Variants in ULK4 observed in about 807,000 individuals in gnomAD.
ULK4 encodes inactive serine/threonine-protein kinase ULK4.
ULK4 carries 133 observed loss-of-function variants against 160.6 expected under a neutral mutation model. The observed-to-expected ratio is 0.83, with a 90% CI of 0.72 to 0.96. ULK4 has a LOEUF of 0.96. Among genes scored for constraint, ULK4 ranks in the 40% least tolerant of loss-of-function variants. ULK4 has a pLI of 0.00. For missense variants in ULK4, 1,580 were observed against 1,499.5 expected (o/e 1.05, Z -0.89); for synonymous variants, 534 against 539.8 (o/e 0.99, Z 0.15).
chr3:41,316,098 AG>A (rs767783105), intron 35 of ULK4, among the ~76,000 whole-genome samples: 2 of 152,278 alleles, frequency 1.3e-5, no homozygotes, highest in Non-Finnish European at 2.9e-5. Context: ...AAATGTTTAT[AG>A]AAGCATTATT....
At chr3:41,585,331 C>G (rs1379926946) in intron 31 of ULK4, among the ~76,000 whole-genome samples, 1 of 152,022 alleles carries the variant, frequency 6.6e-6, no homozygotes, top group Non-Finnish European at 1.5e-5. Flanking sequence ...ACATATAAAC[C>G]AATGGAACGA....
chr3:41,444,077 C>G (rs777555243), intron 34 of ULK4, among the ~76,000 whole-genome samples: 1 of 152,016 alleles, frequency 6.6e-6, no homozygotes, highest in Non-Finnish European at 1.5e-5. Flanking sequence ...AGTGGAATGA[C>G]GACATTAAAA....
chr3:41,661,191 G>A (rs536587150), intron 30 of ULK4, among the ~76,000 whole-genome samples: 1 of 152,154 alleles, frequency 6.6e-6, no homozygotes, highest in African/African-American at 2.4e-5. Flanking sequence ...CAGTAGTTAG[G>A]TGAATGCAAA....
rs184263727 is a variant in ULK4, at chr3:41,641,110, T to C, written c.3071+22497A>G. On this transcript the variant is annotated intron_variant, in intron 30 of 36. Transcript: ENST00000301831. ...CCTGAGATTCAGACTGCAGCCACTATAAGTCTTTTCCAGTTGATGTGTTGC... is the reference window on the plus strand; with the variant it reads ...CCTGAGATTCAGACTGCAGCCACTACAAGTCTTTTCCAGTTGATGTGTTGC... Among the ~76,000 whole-genome samples the C allele has an allele frequency of 3.3e-5, 5 of 152,326 alleles. No homozygotes were observed. The East Asian group carries it at 9.7e-4, about 29-fold the overall frequency.
intron 35 of ULK4, among the ~76,000 whole-genome samples, chr3:41,298,013 T>C (rs1189129355): frequency 6.6e-6 from 1 of 152,212 alleles, no homozygotes; most frequent in Non-Finnish European, 1.5e-5. Flanking sequence ...CTCATCGGTT[T>C]ACAGTAGATA....
chr3:41,888,566 G>C (rs1697809619), intron 16 of ULK4, among the ~76,000 whole-genome samples: 1 of 152,190 alleles, frequency 6.6e-6, no homozygotes, highest in South Asian at 2.1e-4. Context: ...AGGAACAATT[G>C]TGTCCTTGTA....
At chr3:41,531,058 G>A (rs752649839) in intron 32 of ULK4, among the ~76,000 whole-genome samples, 6 of 150,094 alleles carry the variant, frequency 4.0e-5, no homozygotes, top group Non-Finnish European at 8.9e-5. Context: ...CACCGCGCCC[G>A]GCCCAAAATG....
In ULK4 at chr3:41,560,250, G is replaced by A. The variant is rs148787759; in HGVS notation, c.3226+5775C>T. Among the ~76,000 whole-genome samples the A allele has an allele frequency of 1.4e-4, 22 of 152,290 alleles. No individual in the cohort carries two copies. The East Asian group carries it at 3.3e-3, about 23-fold the overall frequency. On this transcript the variant is annotated intron_variant, in intron 32 of 36. Coordinates refer to ENST00000301831, the MANE Select transcript of ULK4 (RefSeq NM_017886.4). ...TCTGATTTGGTACCAATATCATGCTGTGTTGGTTACTGTAGCCTTGTAGTC... is the reference window on the plus strand; with the variant it reads ...TCTGATTTGGTACCAATATCATGCTATGTTGGTTACTGTAGCCTTGTAGTC...
At chr3:41,528,885 T>G (rs992354355) in intron 32 of ULK4, among the ~76,000 whole-genome samples, 5 of 152,126 alleles carry the variant, frequency 3.3e-5, no homozygotes, top group Admixed American at 6.5e-5. Context: ...GTACTGGGCT[T>G]AATACCTGGG....
chr3:41,708,834 G>A (rs921378894), intron 25 of ULK4, among the ~76,000 whole-genome samples: 1 of 152,048 alleles, frequency 6.6e-6, no homozygotes, highest in Non-Finnish European at 1.5e-5. Flanking sequence ...AAAACAATCT[G>A]TTGTACACAA....
intron 32 of ULK4, among the ~76,000 whole-genome samples, chr3:41,502,953 G>C (rs1334520605): frequency 6.6e-6 from 1 of 152,020 alleles, no homozygotes; most frequent in Non-Finnish European, 1.5e-5. Flanking sequence ...ATGTACAAAT[G>C]TCCATTAATT....
intron 35 of ULK4, among the ~76,000 whole-genome samples, chr3:41,347,666 A>C (rs1397806585): frequency 2.0e-5 from 3 of 152,080 alleles, no homozygotes; most frequent in Non-Finnish European, 2.9e-5. Context: ...ACACGTTTGC[A>C]AACTCATCTC....
intron 20 of ULK4, among the ~76,000 whole-genome samples, chr3:41,795,103 C>A (rs1422455294): frequency 2.0e-5 from 3 of 152,146 alleles, no homozygotes; most frequent in Non-Finnish European, 2.9e-5. Context: ...GCGAAAAAGA[C>A]CTTAAAAAGG....
chr3:41,532,836 G>A (rs79719357), intron 32 of ULK4, among the ~76,000 whole-genome samples: 4,428 of 152,234 alleles, frequency 0.029, 154 homozygotes, highest in African/African-American at 0.08. Context: ...GTAGAGTTCC[G>A]ATTCCAAACT....
intron 2 of ULK4, among the ~76,000 whole-genome samples, chr3:41,950,750 T>C (rs1280105018): frequency 1.3e-5 from 2 of 152,094 alleles, no homozygotes; most frequent in African/African-American, 4.8e-5. Flanking sequence ...CAACTTCATT[T>C]ATAATAGCAG....
At chr3:41,821,460 A>T (rs1489104817) in intron 18 of ULK4, among the ~76,000 whole-genome samples, 3 of 152,186 alleles carry the variant, frequency 2.0e-5, no homozygotes, top group African/African-American at 7.2e-5. Flanking sequence ...AAGTTCTGAG[A>T]AAGGAAAGAC....
In ULK4 at chr3:41,488,136, G is replaced by A. The variant is rs188703463; in HGVS notation, c.3227-24883C>T. On this transcript the variant is annotated intron_variant, in intron 32 of 36. Transcript: ENST00000301831. ...TATGACATAAAATATGGACAACCGA[G>A]TTAGAGAACAATACATAGAGAATAA... is the stretch of plus-strand genomic sequence containing the variant. Among the ~76,000 whole-genome samples, 148 of 152,304 alleles carry A rather than the reference G, an allele frequency of 9.7e-4. 1 individual carries two copies. Among genetic ancestry groups the A allele is most frequent in the Non-Finnish European group, 4.1e-4 (28 of 68,022 alleles).
At chr3:41,294,888 T>C (rs2079639529) in intron 35 of ULK4, among the ~76,000 whole-genome samples, 2 of 152,214 alleles carry the variant, frequency 1.3e-5, no homozygotes, top group Admixed American at 1.3e-4. Flanking sequence ...ACTTGATCTA[T>C]AGATTCAATG....
At chr3:41,405,560 C>T (rs767366874) in intron 34 of ULK4, among the ~76,000 whole-genome samples, 1 of 152,194 alleles carries the variant, frequency 6.6e-6, no homozygotes, top group African/African-American at 2.4e-5. Flanking sequence ...TGGCTTTCCA[C>T]AATGGCTGAA....
Sources: allele counts gnomAD v4.1 joint callset (sites outside exome capture counted in the v4.1 genomes callset), GRCh38; gene constraint gnomAD v4.1.1; transcripts MANE v1.5; gene names NCBI Gene and HGNC (gene_info 2026-07-23, HGNC 2026-07-21).